Variants in DPP10 observed in about 807,000 individuals in gnomAD.
DPP10 encodes the protein inactive dipeptidyl peptidase 10.
DPP10 carries 33 observed loss-of-function variants against 120.9 expected under a neutral mutation model. That is an observed-to-expected ratio of 0.27 (90% CI 0.21 to 0.37). DPP10 has a LOEUF of 0.37. Ranked by LOEUF, DPP10 falls within the 10% of genes least tolerant of loss-of-function variation. DPP10 has a pLI of 1.00. For missense variants in DPP10, 816 were observed against 942.8 expected, an observed-to-expected ratio of 0.87 and a Z score of 1.76; for synonymous variants, 337 against 326.1, an observed-to-expected ratio of 1.03 and a Z score of -0.36.
intron 1 of DPP10, among the ~76,000 whole-genome samples, chr2:115,149,468 C>G (rs1167201187): frequency 1.3e-5 from 2 of 152,178 alleles, no homozygotes; most frequent in African/African-American, 2.4e-5. Context: ...TTAAATTTAT[C>G]TGATGGATCC....
chr2:115,783,273 T>C (rs1041315256), intron 17 of DPP10, among the ~76,000 whole-genome samples: 3 of 152,136 alleles, frequency 2.0e-5, no homozygotes, highest in Admixed American at 6.5e-5. Flanking sequence ...GGTAATAACT[T>C]GGCCAGAGTC....
chr2:115,771,233 C>G (rs1367037066), intron 13 of DPP10, among the ~76,000 whole-genome samples: 1 of 151,938 alleles, frequency 6.6e-6, no homozygotes, highest in East Asian at 1.9e-4. Flanking sequence ...CGCCATCATG[C>G]CTGGCTAATT....
At chr2:114,653,023 A>AGTGT (rs1307967017) in intron 1 of DPP10, among the ~76,000 whole-genome samples, 100 of 102,620 alleles carry the variant, frequency 9.7e-4, no homozygotes, top group African/African-American at 6.0e-3. Context: ...AGAGAGAGAG[A>AGTGT]GAGAGTGTGT....
intron 1 of DPP10, among the ~76,000 whole-genome samples, chr2:115,153,129 C>CG (rs761626865): frequency 6.6e-6 from 1 of 152,090 alleles, no homozygotes; most frequent in Non-Finnish European, 1.5e-5. Context: ...AAGACATTAT[C>CG]TTTTTTATAC....
intron 5 of DPP10, among the ~76,000 whole-genome samples, chr2:115,603,570 G>GTTTTTTTTTTTTTTTGT (rs61548055): frequency 1.0e-5 from 1 of 99,286 alleles, no homozygotes; most frequent in East Asian, 2.8e-4. Flanking sequence ...GTTTTTTTTT[G>GTTTTTTTTTTTTTTTGT]TTTTTTTTTT....
At position 115,261,331 on chromosome 2, in the gene DPP10, GGA is replaced by G. The variant is rs554987001; in HGVS notation, c.61-47907_61-47906del. Reference sequence around the variant, plus strand: ...CACTGAGCAATACAACTACTTTGGTGGATCGTTTCCAGTTTGAGGATTCCTAG... The same window carrying G: ...CACTGAGCAATACAACTACTTTGGTGTCGTTTCCAGTTTGAGGATTCCTAG... On this transcript the variant is annotated intron_variant, in intron 1 of 25. Transcript: ENST00000410059. 1.3e-4 allele frequency among the ~76,000 whole-genome samples: 20 copies of G among 152,230 alleles called. No individual in the cohort carries two copies. In the East Asian group the frequency reaches 3.9e-3, roughly 30 times the overall value.
chr2:114,657,942 C>T (rs1034749771), intron 1 of DPP10, among the ~76,000 whole-genome samples: 13 of 152,100 alleles, frequency 8.5e-5, no homozygotes, highest in African/African-American at 2.9e-4. Flanking sequence ...GTCCAACCTA[C>T]GCATGTGTAT....
chr2:115,363,673 C>G (rs576165696), intron 3 of DPP10, among the ~76,000 whole-genome samples: 58 of 152,346 alleles, frequency 3.8e-4, no homozygotes, highest in Admixed American at 1.1e-3. Context: ...CAGGCCTATG[C>G]TTTCTAAACA....
intron 1 of DPP10, among the ~76,000 whole-genome samples, chr2:114,863,282 G>A (rs556948836): frequency 9.1e-4 from 138 of 152,158 alleles, no homozygotes; most frequent in Non-Finnish European, 1.7e-3. Context: ...GGGAGAGAAT[G>A]CTGAATTGTT....
At chr2:115,115,995 T>A (rs944310392) in intron 1 of DPP10, among the ~76,000 whole-genome samples, 1 of 152,260 alleles carries the variant, frequency 6.6e-6, no homozygotes, top group East Asian at 1.9e-4. Flanking sequence ...AATGTGAAAT[T>A]TGGGGTAACT....
At chr2:115,740,666 C>T (rs1440874424) in intron 9 of DPP10, among the ~76,000 whole-genome samples, 2 of 152,094 alleles carry the variant, frequency 1.3e-5, no homozygotes, top group Non-Finnish European at 2.9e-5. Flanking sequence ...AAGTGTTGGG[C>T]AAGGCCTCTA....
At chr2:114,814,286 A>G (rs1483424036) in intron 1 of DPP10, among the ~76,000 whole-genome samples, 1 of 152,156 alleles carries the variant, frequency 6.6e-6, no homozygotes, top group East Asian at 1.9e-4. Context: ...TTTGAAAAAG[A>G]CAACTGTTGA....
At chr2:115,651,350 CATT>C (rs1409356529) in intron 5 of DPP10, among the ~76,000 whole-genome samples, 1 of 152,004 alleles carries the variant, frequency 6.6e-6, no homozygotes, top group African/African-American at 2.4e-5. Flanking sequence ...GTAGGTGTCA[CATT>C]ATAAGCTTTC....
At chr2:115,067,689 C>T (rs1161874100) in intron 1 of DPP10, among the ~76,000 whole-genome samples, 3 of 148,194 alleles carry the variant, frequency 2.0e-5, no homozygotes, top group East Asian at 2.1e-4. Context: ...CGGTGAAACC[C>T]CGTCTCTACT....
intron 9 of DPP10, among the ~76,000 whole-genome samples, chr2:115,745,384 T>C (rs2149713581): frequency 6.6e-6 from 1 of 150,672 alleles, no homozygotes; most frequent in African/African-American, 2.4e-5. Flanking sequence ...CTGCTAGTTA[T>C]TATTTATTTA....
intron 25 of DPP10, 92 bp from the exon 26 acceptor site, chr2:115,842,119 A>C: frequency 7.5e-7 from 1 of 1,333,208 alleles, no homozygotes. Context: ...ATTATTACTC[A>C]AAGTTTCCAT....
chr2:115,147,429 A>G (rs1366581572), intron 1 of DPP10, among the ~76,000 whole-genome samples: 7 of 152,026 alleles, frequency 4.6e-5, no homozygotes, highest in Non-Finnish European at 1.0e-4. Flanking sequence ...GTCATTGTGG[A>G]ACTTTGGGCA....
intron 5 of DPP10, among the ~76,000 whole-genome samples, chr2:115,584,325 T>C (rs2082164538): frequency 1.3e-5 from 2 of 152,132 alleles, no homozygotes; most frequent in Admixed American, 6.5e-5. Flanking sequence ...GTAGTGGTCA[T>C]TGGCTAAATC....
intron 1 of DPP10, among the ~76,000 whole-genome samples, chr2:115,007,084 A>C (rs1007015705): frequency 6.6e-6 from 1 of 152,162 alleles, no homozygotes; most frequent in Admixed American, 6.5e-5. Flanking sequence ...CTTCTCAACT[A>C]CATGGAAACT....
Sources: gnomAD v4.1 joint callset for allele counts (sites outside exome capture counted in the v4.1 genomes callset) on GRCh38, gnomAD v4.1.1 for gene constraint, MANE v1.5 for transcripts, NCBI Gene and HGNC (gene_info 2026-07-23, HGNC 2026-07-21) for gene names.